CREBRF: variants seen among roughly 807,000 people sequenced by gnomAD.
CREBRF encodes the protein CREB3 regulatory factor, also known as UPF0474 protein C5orf41.
A neutral mutation model predicts 66.1 loss-of-function variants in CREBRF; 5 were observed. The ratio of observed to expected loss-of-function variants is 0.08; its 90% CI spans 0.04 to 0.16. CREBRF has a LOEUF of 0.16. CREBRF is among the 10% of genes least tolerant of loss of function. CREBRF has a pLI of 1.00. For missense variants in CREBRF, 531 were observed against 744.9 expected (o/e 0.71, Z 3.34); for synonymous variants, 229 against 264.4 (o/e 0.87, Z 1.30).
intron 7 of CREBRF, among the ~76,000 whole-genome samples, chr5:173,122,806 T>C (rs1759172460): frequency 7.8e-6 from 1 of 127,800 alleles, no homozygotes; most frequent in South Asian, 2.6e-4. Flanking sequence ...TGTCCATGTG[T>C]TCTCATTGTT....
chr5:173,120,673 G>C (rs909259319), intron 7 of CREBRF, among the ~76,000 whole-genome samples: 5 of 137,966 alleles, frequency 3.6e-5, no homozygotes, highest in Non-Finnish European at 7.7e-5. Context: ...GAGCCACCGT[G>C]CCTGAGCCTC....
At chr5:173,061,281 A>G (rs753536553) in intron 1 of CREBRF, among the ~76,000 whole-genome samples, 10 of 152,164 alleles carry the variant, frequency 6.6e-5, no homozygotes, top group Admixed American at 2.0e-4. Flanking sequence ...ACTGAGTTTT[A>G]AGTACTTAGA....
intron 7 of CREBRF, among the ~76,000 whole-genome samples, chr5:173,115,094 T>C (rs896043889): frequency 6.6e-6 from 1 of 151,974 alleles, no homozygotes; most frequent in African/African-American, 2.4e-5. Context: ...GTTTTTTCTT[T>C]TTCTTTTCTT....
intron 4 of CREBRF, among the ~76,000 whole-genome samples, chr5:173,096,349 C>G: frequency 6.6e-6 from 1 of 151,780 alleles, no homozygotes; most frequent in East Asian, 1.9e-4. Flanking sequence ...TATTTGGATG[C>G]CTTTCCTTCT....
At chr5:173,111,171 G>A (rs1226778062) in intron 6 of CREBRF, among the ~76,000 whole-genome samples, 3 of 151,932 alleles carry the variant, frequency 2.0e-5, no homozygotes, top group Non-Finnish European at 2.9e-5. Context: ...TGCACCCATC[G>A]CCCCTCAAAA....
Position 173,133,733 on chromosome 5 carries a change from A to C in CREBRF, c.1908A>C (p.Thr636=), listed in dbSNP as rs116838628. 4.6e-5 allele frequency: 73 copies of C among 1,582,462 alleles called. No individual in the cohort carries two copies. In the African/African-American group the frequency reaches 9.0e-4, roughly 20 times the overall value. Reference sequence around the variant, plus strand: ...GCCTTGTAGGATTAAGGATACCAACATCAAAGGTGTAATCAGCCTCATTGG... The same window carrying C: ...GCCTTGTAGGATTAAGGATACCAACCTCAAAGGTGTAATCAGCCTCATTGG... ...TGGLVGLRIP[T]SKV Residue 636 remains threonine (T), a synonymous_variant, in exon 9 of 9, where the codon ACA becomes ACC. Transcript: ENST00000296953.
intron 3 of CREBRF, among the ~76,000 whole-genome samples, chr5:173,089,268 G>A (rs1758258405): frequency 6.7e-6 from 1 of 150,154 alleles, no homozygotes; most frequent in Non-Finnish European, 1.5e-5. Context: ...AAATAACTCT[G>A]GAAGACTCAA....
At position 173,092,254 on chromosome 5, in the gene CREBRF, T is replaced by A. The variant is rs543430599; in HGVS notation, c.1222+853T>A. 6.1e-5 allele frequency: 60 copies of A among 977,884 alleles called. No individual in the cohort carries two copies. The South Asian group carries it at 2.5e-3, about 40-fold the overall frequency. The allele number at this position is 977,884 out of a possible 1,614,324, so 60.6% of individuals were successfully genotyped here. A position where few individuals can be genotyped will look rare whatever the true frequency, so the allele number is the denominator to read the frequency against. On this transcript the variant is annotated intron_variant, in intron 4 of 8. Transcript: ENST00000296953. Reference sequence around the variant, plus strand: ...ATGAATAATGTAAAAGCATTTTCTTTGTGTCTGCTAACATTTTAATTTACA... The same window carrying A: ...ATGAATAATGTAAAAGCATTTTCTTAGTGTCTGCTAACATTTTAATTTACA...
chr5:173,112,903 A>G (rs924274120), intron 7 of CREBRF, among the ~76,000 whole-genome samples: 2 of 152,246 alleles, frequency 1.3e-5, no homozygotes, highest in African/African-American at 4.8e-5. Context: ...TGGTTAAAAT[A>G]CACATTTCTA....
intron 5 of CREBRF, 125 bp downstream of exon 5, chr5:173,108,943 G>A: frequency 1.3e-6 from 1 of 772,898 alleles, no homozygotes; most frequent in South Asian, 1.8e-5. Flanking sequence ...GGGGACTGTA[G>A]AGCTGCTACA....
At chr5:173,064,515 CCTGA>C (rs1170800636) in intron 1 of CREBRF, among the ~76,000 whole-genome samples, 1 of 151,538 alleles carries the variant, frequency 6.6e-6, no homozygotes, top group Non-Finnish European at 1.5e-5. Flanking sequence ...TCCTGAGCCT[CCTGA>C]CTATCTGGGA....
rs1227704953 is a variant in CREBRF at position 173,090,993 on chromosome 5, A to G, written c.814A>G (p.Lys272Glu). The G allele has an allele frequency of 2.5e-6, 4 of 1,614,188 alleles. No individual in the cohort carries two copies. Among genetic ancestry groups the G allele is most frequent in the East Asian group, 2.2e-5 (1 of 44,882 alleles). Reference sequence around the variant, plus strand: ...CACCTGCTACTGTGGTGCAGTGGCAAAGAGACAAGAGAAAAAAGGGATGGA... The same window carrying G: ...CACCTGCTACTGTGGTGCAGTGGCAGAGAGACAAGAGAAAAAAGGGATGGA... ...ENTCYCGAVAKRQEKKGMEPL... is the reference protein window; with the variant it reads ...ENTCYCGAVAERQEKKGMEPL... The change falls in exon 4 of 9, where the codon AAG (lysine) becomes GAG (glutamate). Residue 272 changes from lysine to glutamate, a missense_variant. By Grantham distance (56) the Lys-to-Glu change is moderately conservative. Transcript: ENST00000296953. The surrounding 1 kb of genome is among the most constrained non-coding windows in gnomAD (Gnocchi z 4.5).
At chr5:173,057,092 C>A (rs1757077732) in intron 1 of CREBRF, among the ~76,000 whole-genome samples, 1 of 152,102 alleles carries the variant, frequency 6.6e-6, no homozygotes, top group Non-Finnish European at 1.5e-5. Flanking sequence ...GGCGAGGGGC[C>A]TCCCTCCCGG....
intron 1 of CREBRF, chr5:173,060,219 A>G (rs1226368219): frequency 1.4e-5 from 2 of 141,154 alleles, no homozygotes; most frequent in South Asian, 2.2e-4. Flanking sequence ...TAAAAAATAC[A>G]TATATATATA....
chr5:173,132,083 TTC>T (rs1481942977), intron 8 of CREBRF, among the ~76,000 whole-genome samples: 1 of 131,654 alleles, frequency 7.6e-6, no homozygotes, highest in Non-Finnish European at 1.7e-5. Context: ...ACAAATATAT[TTC>T]TTTTTTTTTT....
chr5:173,131,721 CACACACACACT>C (rs1409674615), intron 8 of CREBRF, among the ~76,000 whole-genome samples: 2 of 150,778 alleles, frequency 1.3e-5, no homozygotes, highest in Non-Finnish European at 2.9e-5. Flanking sequence ...CACACACACA[CACACACACACT>C]TTTTTTTGTT....
At chr5:173,116,416 A>G (rs996943115) in intron 7 of CREBRF, among the ~76,000 whole-genome samples, 3 of 152,112 alleles carry the variant, frequency 2.0e-5, no homozygotes, top group Non-Finnish European at 4.4e-5. Flanking sequence ...GATAGCCTCA[A>G]TCTGCTTTCT....
chr5:173,088,335 T>C (rs1310381260), intron 3 of CREBRF, among the ~76,000 whole-genome samples: 2 of 125,190 alleles, frequency 1.6e-5, no homozygotes, highest in Admixed American at 2.0e-4. Context: ...TGGCGCAATC[T>C]AAAATTAGCT....
rs909944173 is a variant in CREBRF, at chr5:173,056,379, A to C, written c.-292A>C. The stretch of plus-strand genomic sequence containing the variant: ...GTCACGCGATTTCCGGGAACCCGTC[A>C]GGAAGGACATAAACAAAACAAACCC... On this transcript the variant is annotated 5_prime_UTR_variant, in exon 1 of 9. Coordinates refer to ENST00000296953, the MANE Select transcript of CREBRF (RefSeq NM_153607.3). 5.0e-6 allele frequency: 2 copies of C among 398,042 alleles called. No individual in the cohort carries two copies. The highest frequency in any genetic ancestry group is 4.1e-5 in the African/African-American group (2 of 48,614). The allele number at this position is 398,042 out of a possible 1,614,324, so 24.7% of individuals were successfully genotyped here.
Sources: allele counts gnomAD v4.1 joint callset (sites outside exome capture counted in the v4.1 genomes callset), GRCh38; gene constraint gnomAD v4.1.1; non-coding constraint Gnocchi (gnomAD v3.1); transcripts MANE v1.5; gene names NCBI Gene and HGNC (gene_info 2026-07-23, HGNC 2026-07-21).